The following POLE3 variants were observed in gnomAD, a reference collection of about 807,000 sequenced individuals.
POLE3 encodes the protein DNA polymerase epsilon subunit 3.
Under a neutral mutation model 16.1 loss-of-function variants are expected in POLE3, and 10 were observed. That is an observed-to-expected ratio of 0.62 (90% CI 0.38 to 1.05). The LOEUF (loss-of-function observed/expected upper bound fraction) is 1.05. POLE3 is among the 50% of genes least tolerant of loss of function. POLE3 has a pLI of 0.01. For synonymous variants in POLE3, 83 were observed against 71.0 expected, an observed-to-expected ratio of 1.17 and a Z score of -0.85; for missense variants, 169 against 185.0, an observed-to-expected ratio of 0.91 and a Z score of 0.50.
At chr9:113,409,913 C>T in intron 3 of POLE3, 142 bp downstream of exon 3, 1 of 777,068 alleles carries the variant, frequency 1.3e-6, no homozygotes. Context: ...TGTTATTTTG[C>T]TTCAGAACTT....
At chr9:113,409,114 C>A in intron 4 of POLE3, 131 bp from the exon 5 acceptor site, 2 of 743,954 alleles carry the variant, frequency 2.7e-6, no homozygotes, top group Non-Finnish European at 2.2e-6. Context: ...GTAATCCCAG[C>A]ACTTTGGGAG....
At position 113,410,096 on chromosome 9, in the gene POLE3, G is replaced by A; in HGVS notation, c.111C>T (p.Ile37=). The A allele has an allele frequency of 6.3e-7, 1 of 1,586,078 alleles. No individual in the cohort carries two copies. The highest frequency in any genetic ancestry group is 8.6e-7 in the Non-Finnish European group (1 of 1,166,762). ...VNISKEARSA[I]SRAASVFVLY... is the part of the protein sequence containing the mutation. Reference sequence around the variant, plus strand: ...GCACGAAGACGCTGGCGGCGCGGGAGATGGCGCTCCGGGCCTCCTTGGAGA... The same window carrying A: ...GCACGAAGACGCTGGCGGCGCGGGAAATGGCGCTCCGGGCCTCCTTGGAGA... Residue 37 remains isoleucine (I), a synonymous_variant, in exon 3 of 5, where the codon ATC becomes ATT. Transcript: ENST00000374171.
chr9:113,408,757 A>G lies in POLE3; in HGVS notation c.*54T>C, dbSNP rs1235199596. 7.1e-7 allele frequency: 1 copy of G among 1,417,128 alleles called. No individual in the cohort carries two copies. Among genetic ancestry groups the G allele is most frequent in the Non-Finnish European group, 9.9e-7 (1 of 1,008,600 alleles). 87.8% of individuals were successfully genotyped at this position (1,417,128 alleles called of 1,614,324 possible). Reference sequence around the variant, plus strand: ...ATGGAAAAGCTTCACAGAAACACGTAGCACGTCTCATTTCAAGTGGTACCT... The same window carrying G: ...ATGGAAAAGCTTCACAGAAACACGTGGCACGTCTCATTTCAAGTGGTACCT... On this transcript the variant is annotated 3_prime_UTR_variant, in exon 5 of 5. Coordinates refer to ENST00000374171, the MANE Select transcript of POLE3 (RefSeq NM_017443.5).
Position 113,409,790 on chromosome 9 carries a change from G to C in POLE3, c.153-62C>G, listed in dbSNP as rs1208139237. The C allele has an allele frequency of 2.7e-6, 3 of 1,114,924 alleles. No homozygotes were observed. In the African/African-American group the frequency reaches 4.6e-5, roughly 17 times the overall value. 69.1% of individuals were successfully genotyped at this position (1,114,924 alleles called of 1,614,324 possible). On this transcript the variant is annotated intron_variant, in intron 3 of 4. Transcript: ENST00000374171. ...TTGTAAGGCGTGAGTGGGAAAAGGA[G>C]CACCCAGAGGTGGAACGGGAAAGCC...
intron 4 of POLE3, 98 bp from the exon 5 acceptor site, chr9:113,409,081 G>T (rs1473431041): frequency 2.7e-6 from 3 of 1,130,758 alleles, no homozygotes; most frequent in Non-Finnish European, 3.8e-6. Flanking sequence ...AACGGAGGCA[G>T]ATGGGCGCGG....
Position 113,410,160 on chromosome 9 carries a change from G to A in POLE3, c.67-20C>T, listed in dbSNP as rs761883391. 1.2e-6 allele frequency: 2 copies of A among 1,604,724 alleles called. No homozygotes were observed. Among genetic ancestry groups the A allele is most frequent in the African/African-American group, 1.3e-5 (1 of 74,912 alleles). Reference sequence around the variant, plus strand: ...CGGGAGCTGCGAGGAGACCGGGGGTGAGCAAAGCTGCCGTTCCAGCACCTG... The same window carrying A: ...CGGGAGCTGCGAGGAGACCGGGGGTAAGCAAAGCTGCCGTTCCAGCACCTG... On this transcript the variant is annotated intron_variant, in intron 2 of 4. Coordinates refer to ENST00000374171, the MANE Select transcript of POLE3 (RefSeq NM_017443.5).
chr9:113,409,681 C>G lies in POLE3; in HGVS notation c.200G>C (p.Ser67Thr), dbSNP rs1264873281. 1 of 1,613,876 alleles carries G rather than the reference C, an allele frequency of 6.2e-7. No homozygotes were observed. ...MKGKRKTLNA[S>T]DVLSAMEEME... ...CTCTTCCATGGCTGAGAGCACATCA[C>G]TGGCATTCAGCGTCTTCCGCTTTCC... The change falls in exon 4 of 5, where the codon AGT becomes ACT. Residue 67 changes from serine to threonine, a missense_variant. Coordinates refer to ENST00000374171, the MANE Select transcript of POLE3 (RefSeq NM_017443.5).
At position 113,407,479 on chromosome 9, in the gene POLE3, A is replaced by G. The variant is rs1189591374; in HGVS notation, c.*1332T>C. On this transcript the variant is annotated 3_prime_UTR_variant, in exon 5 of 5. Coordinates refer to ENST00000374171, the MANE Select transcript of POLE3 (RefSeq NM_017443.5). ...AAGAGGATGGTTTAGGGAGAGTTAG[A>G]TTCCTGAGCACCATCAGATTTCCCT... 6.6e-6 allele frequency: 1 copy of G among 152,628 alleles called. No homozygotes were observed. Among genetic ancestry groups the G allele is most frequent in the Admixed American group, 6.5e-5 (1 of 15,276 alleles). The allele number at this position is 152,628 out of a possible 1,614,324, so 9.5% of individuals were successfully genotyped here.
At chr9:113,409,950 A>G (rs1282986882) in intron 3 of POLE3, 105 bp downstream of exon 3, 2 of 928,080 alleles carry the variant, frequency 2.2e-6, no homozygotes, top group Non-Finnish European at 3.3e-6. Context: ...GACTGTGAAC[A>G]TGTCCCCACC....
chr9:113,410,550 C>T (rs2119040119), intron 1 of POLE3, 67 bp downstream of exon 1: 2 of 579,098 alleles, frequency 3.5e-6, no homozygotes, highest in South Asian at 4.1e-5. Context: ...CCCTACCGCA[C>T]CCCGCACGCC....
rs1588093108 is a variant in POLE3 at position 113,408,820 on chromosome 9, T to C, written c.435A>G (p.Val145=). Residue 145 remains valine (V), a synonymous_variant, in exon 5 of 5, where the codon GTA becomes GTG. Transcript: ENST00000374171. ...EEEEQNEEEE[V]DN ...CAGTCTCCCGCCCTTTTCAGTTGTC[T>C]ACTTCTTCCTCTTCATTCTGTTCTT... 2 of 1,613,416 alleles carry C rather than the reference T, an allele frequency of 1.2e-6. No homozygotes were observed. Among genetic ancestry groups the C allele is most frequent in the Non-Finnish European group, 1.7e-6 (2 of 1,179,542 alleles).
In POLE3 at chr9:113,408,876, T is replaced by C; in HGVS notation, c.379A>G (p.Asn127Asp). 6.2e-7 allele frequency: 1 copy of C among 1,612,568 alleles called. No homozygotes were observed. Among genetic ancestry groups the C allele is most frequent in the Non-Finnish European group, 8.5e-7 (1 of 1,179,408 alleles). ...EEQDKSRDED[N>D]DEDEERLEEE... ...TCCAGCCTTTCTTCGTCTTCATCAT[T>C]GTCCTCATCCCTGCTCTTGTCTTGC... The change falls in exon 5 of 5, where the codon AAT (asparagine) becomes GAT (aspartate). Residue 127 changes from asparagine to aspartate, a missense_variant. By Grantham distance (23) the Asn-to-Asp change is conservative. Transcript: ENST00000374171.
Position 113,410,229 on chromosome 9 carries a change from G to A in POLE3, c.65C>T (p.Ala22Val). 1 of 1,613,488 alleles carries A rather than the reference G, an allele frequency of 6.2e-7. No individual in the cohort carries two copies. Among genetic ancestry groups the A allele is most frequent in the Non-Finnish European group, 8.5e-7 (1 of 1,179,858 alleles). ...NAVITRIIKE[A>V]LPDGVNISKE... Reference sequence around the variant, plus strand: ...GTCCGCCCCCCCCGAGCTGCTCACCGCCTCCTTGATGATCCTGGTGATCAC... The same window carrying A: ...GTCCGCCCCCCCCGAGCTGCTCACCACCTCCTTGATGATCCTGGTGATCAC... The change falls in exon 2 of 5, where the codon GCG becomes GTG. Residue 22 changes from alanine to valine, a missense_variant and splice_region_variant. Transcript: ENST00000374171.
At chr9:113,409,284 C>CAGG (rs1167164823) in intron 4 of POLE3, among the ~76,000 whole-genome samples, 1 of 149,274 alleles carries the variant, frequency 6.7e-6, no homozygotes, top group Non-Finnish European at 1.5e-5. Flanking sequence ...TGCTTGAACC[C>CAGG]AGGAGGAGGA....
At chr9:113,409,004 G>A (rs560354816) in intron 4 of POLE3, 21 bp from the exon 5 acceptor site, 19 of 1,609,926 alleles carry the variant, frequency 1.2e-5, no homozygotes, top group East Asian at 2.2e-5. Context: ...GGAACAAGGG[G>A]TTAGGAGACA....
chr9:113,410,048 C>G lies in POLE3; in HGVS notation c.152+7G>C. ...CCGCGCCTCCCTTATGCCTCTGTCC[C>G]GCTCACCAGGATGTGGCGTACAGCA... is the stretch of plus-strand genomic sequence containing the variant. On this transcript the variant is annotated splice_region_variant and intron_variant, in intron 3 of 4. Transcript: ENST00000374171. The G allele has an allele frequency of 1.3e-6, 2 of 1,554,542 alleles. No individual in the cohort carries two copies. The highest frequency in any genetic ancestry group is 1.7e-6 in the Non-Finnish European group (2 of 1,149,506).
chr9:113,409,637 C>T lies in POLE3; in HGVS notation c.244G>A (p.Val82Ile). The T allele has an allele frequency of 6.2e-7, 1 of 1,610,642 alleles. No homozygotes were observed. Residue 82 changes from valine to isoleucine, a missense_variant, in exon 4 of 5, where the codon GTT becomes ATT. Val to Ile is a conservative substitution (Grantham distance 29). Transcript: ENST00000374171. ...TCCAGAGCTTCTTTCAATGGGGTAA[C>T]GAACCGCTGGAACTCCATCTCTTCC... The part of the protein sequence containing the change: ...AMEEMEFQRF[V>I]TPLKEALEAY...
At chr9:113,409,497 G>T in intron 4 of POLE3, 113 bp downstream of exon 4, 1 of 695,268 alleles carries the variant, frequency 1.4e-6, no homozygotes. Context: ...GTCACATCAA[G>T]TGCTGGCTTA....
intron 1 of POLE3, 47 bp from the exon 2 acceptor site, chr9:113,410,455 C>T (rs985472782): frequency 3.1e-6 from 2 of 636,160 alleles, no homozygotes; most frequent in Non-Finnish European, 5.5e-6. Context: ...CCCTCCTCCC[C>T]CCACAGCCCC....
Sources: allele counts gnomAD v4.1 joint callset (sites outside exome capture counted in the v4.1 genomes callset), GRCh38; gene constraint gnomAD v4.1.1; transcripts MANE v1.5; gene names NCBI Gene and HGNC (gene_info 2026-07-23, HGNC 2026-07-21).